Variants in SECISBP2 observed in about 807,000 individuals in gnomAD.
SECISBP2 encodes the protein SECIS binding protein 2.
Under a neutral mutation model 98.2 loss-of-function variants are expected in SECISBP2, and 96 were observed. The observed-to-expected ratio is 0.98, with a 90% CI of 0.83 to 1.16. SECISBP2 has a LOEUF of 1.16. SECISBP2 is among the 50% of genes most tolerant of loss of function. The pLI is 0.00. For missense variants in SECISBP2, 1,046 were observed against 1,022.9 expected (o/e 1.02, Z -0.31); for synonymous variants, 407 against 370.2 (o/e 1.10, Z -1.14).
chr9:89,318,837 T>G (rs1006815120), intron 1 of SECISBP2: 1 of 1,273,448 alleles, frequency 7.9e-7, no homozygotes, highest in African/African-American at 1.6e-5. Flanking sequence ...GCGCCGCGTC[T>G]GTGGTGCGAT....
intron 9 of SECISBP2, among the ~76,000 whole-genome samples, chr9:89,340,534 C>T (rs774430491): frequency 6.6e-6 from 1 of 152,182 alleles, no homozygotes; most frequent in Non-Finnish European, 1.5e-5. Context: ...CTGTTGTTTT[C>T]GCATTCATGA....
downstream of SECISBP2, chr9:89,363,974 C>T (rs781614749): frequency 1.9e-6 from 3 of 1,613,838 alleles, no homozygotes; most frequent in African/African-American, 4.0e-5. Context: ...CCGTTTCCAC[C>T]TCTGAGTCCA....
At chr9:89,356,325 G>A (rs1160564447) in intron 14 of SECISBP2, among the ~76,000 whole-genome samples, 1 of 152,200 alleles carries the variant, frequency 6.6e-6, no homozygotes, top group Non-Finnish European at 1.5e-5. Context: ...TGTCTTCCAC[G>A]AAACCAGTCC....
downstream of SECISBP2, among the ~76,000 whole-genome samples, chr9:89,362,665 A>G (rs1388018517): frequency 1.3e-5 from 2 of 152,218 alleles, no homozygotes; most frequent in Non-Finnish European, 2.9e-5. Flanking sequence ...GAGAGGCAGG[A>G]GGGCTGGAGA....
intron 14 of SECISBP2, chr9:89,354,714 C>A: frequency 1.0e-6 from 1 of 957,812 alleles, no homozygotes; most frequent in Non-Finnish European, 1.2e-6. Flanking sequence ...ACCTGACAGG[C>A]AGCCTCGAGA....
At chr9:89,358,629 A>G in intron 16 of SECISBP2, 92 bp from the exon 17 acceptor site, 1 of 849,078 alleles carries the variant, frequency 1.2e-6, no homozygotes, top group East Asian at 2.6e-5. Flanking sequence ...GGCAGTGGCC[A>G]CAGGCTCCCT....
At position 89,350,862 on chromosome 9, in the gene SECISBP2, C is replaced by T; in HGVS notation, c.2113+10C>T. 1 of 1,610,802 alleles carries T rather than the reference C, an allele frequency of 6.2e-7. No individual in the cohort carries two copies. The highest frequency in any genetic ancestry group is 8.5e-7 in the Non-Finnish European group (1 of 1,177,150). On this transcript the variant is annotated intron_variant, in intron 14 of 16. Transcript: ENST00000375807. ...AAGATACAGTCAAAAGGTAAAGGCACAGTGTGGTCCTGTGATATGTGGGCC... is the reference window on the plus strand; with the variant it reads ...AAGATACAGTCAAAAGGTAAAGGCATAGTGTGGTCCTGTGATATGTGGGCC...
intron 4 of SECISBP2, 78 bp from the exon 5 acceptor site, chr9:89,328,582 C>G: frequency 9.2e-7 from 1 of 1,083,952 alleles, no homozygotes; most frequent in Non-Finnish European, 1.4e-6. Context: ...AGTCTTTGTA[C>G]TCTGCAATTT....
intron 6 of SECISBP2, among the ~76,000 whole-genome samples, 176 bp from the exon 7 acceptor site, chr9:89,334,346 C>A (rs976766299): frequency 4.6e-5 from 7 of 152,174 alleles, no homozygotes; most frequent in Admixed American, 1.3e-4. Context: ...AGCATGCATG[C>A]CCCAAGAAGA....
In SECISBP2 at chr9:89,358,879, C is replaced by CCCAAAGTCTT; in HGVS notation, c.*55_*56insCCAAAGTCTT. 1.9e-6 allele frequency: 2 copies of CCCAAAGTCTT among 1,052,174 alleles called. No individual in the cohort carries two copies. The highest frequency in any genetic ancestry group is 2.9e-6 in the Non-Finnish European group (2 of 680,738). The allele number at this position is 1,052,174 out of a possible 1,614,324, so 65.2% of individuals were successfully genotyped here. ...GTAAGGAGGGGAGGTCTGAAAAAGA[C>CCCAAAGTCTT]TTTGGGGCTTTTTCTTCTGTTTTTC... On this transcript the variant is annotated 3_prime_UTR_variant, in exon 17 of 17. Transcript: ENST00000375807.
At chr9:89,355,904 C>T (rs779379251) in intron 14 of SECISBP2, among the ~76,000 whole-genome samples, 1 of 152,224 alleles carries the variant, frequency 6.6e-6, no homozygotes, top group Non-Finnish European at 1.5e-5. Flanking sequence ...TGTTAATCTG[C>T]ATCACCTTGT....
At chr9:89,339,082 G>A (rs1181213864) in intron 8 of SECISBP2, among the ~76,000 whole-genome samples, 1 of 152,214 alleles carries the variant, frequency 6.6e-6, no homozygotes, top group Non-Finnish European at 1.5e-5. Flanking sequence ...AGTATGTCAT[G>A]TACTCTAAGG....
At chr9:89,355,378 G>T (rs1831909778) in intron 14 of SECISBP2, 1 of 985,296 alleles carries the variant, frequency 1.0e-6, no homozygotes, top group Non-Finnish European at 1.2e-6. Flanking sequence ...TCCCAGGGTG[G>T]TGTGAGCATC....
chr9:89,325,234 A>G, intron 2 of SECISBP2, 193 bp from the exon 3 acceptor site: 2 of 602,312 alleles, frequency 3.3e-6, no homozygotes, highest in Non-Finnish European at 5.8e-6. Flanking sequence ...GAAAAAATAG[A>G]GTCAACATCT....
downstream of SECISBP2, chr9:89,363,411 C>G: frequency 1.9e-6 from 3 of 1,608,938 alleles, no homozygotes; most frequent in Non-Finnish European, 2.5e-6. Flanking sequence ...CCTTTCTTTG[C>G]CCGGCTGCGG....
chr9:89,350,327 G>T (rs983060069), intron 13 of SECISBP2, among the ~76,000 whole-genome samples: 18 of 152,200 alleles, frequency 1.2e-4, no homozygotes, highest in African/African-American at 3.1e-4. Context: ...TAGTCTCCCG[G>T]TATTTGTCTT....
At position 89,357,310 on chromosome 9, in the gene SECISBP2, A is replaced by G. The variant is rs566518260; in HGVS notation, c.2114-101A>G. 91 of 1,281,588 alleles carry G rather than the reference A, an allele frequency of 7.1e-5. 1 individual carries two copies. In the South Asian group the frequency reaches 8.2e-4, roughly 12 times the overall value. The allele number at this position is 1,281,588 out of a possible 1,614,324, so 79.4% of individuals were successfully genotyped here. ...GGGCGTCTGCCTTGGATATAAAATCATAGATGGGTGTGTTGCTAAGAAAAA... is the reference window on the plus strand; with the variant it reads ...GGGCGTCTGCCTTGGATATAAAATCGTAGATGGGTGTGTTGCTAAGAAAAA... On this transcript the variant is annotated intron_variant, in intron 14 of 16. Coordinates refer to ENST00000375807, the MANE Select transcript of SECISBP2 (RefSeq NM_024077.5).
At chr9:89,358,258 C>A in intron 16 of SECISBP2, 67 bp downstream of exon 16, 1 of 1,496,228 alleles carries the variant, frequency 6.7e-7, no homozygotes, top group Non-Finnish European at 9.1e-7. Flanking sequence ...AATTAGGAGT[C>A]CCTAGGTGAG....
intron 14 of SECISBP2, among the ~76,000 whole-genome samples, chr9:89,352,888 G>C (rs1831499197): frequency 6.6e-6 from 1 of 151,172 alleles, no homozygotes; most frequent in Non-Finnish European, 1.5e-5. Flanking sequence ...GCCTCTTGGA[G>C]AATTTTAATG....
Sources: gnomAD v4.1 joint callset for allele counts (sites outside exome capture counted in the v4.1 genomes callset) on GRCh38, gnomAD v4.1.1 for gene constraint, MANE v1.5 for transcripts, NCBI Gene and HGNC (gene_info 2026-07-23, HGNC 2026-07-21) for gene names.